Variants in ELFN2 observed in about 807,000 individuals in gnomAD.
ELFN2 encodes the protein protein phosphatase 1 regulatory subunit 29.
In ELFN2, 17 loss-of-function variants were observed where a neutral mutation model predicts 45.5. The observed-to-expected ratio is 0.37, with a 90% confidence interval of 0.26 to 0.56. The LOEUF is 0.56. Ranked by LOEUF, ELFN2 falls within the 20% of genes least tolerant of loss-of-function variation. The probability of loss-of-function intolerance (pLI) is 0.77; values close to 1 mark genes in which losing one functional copy is unlikely to be tolerated. For missense variants in ELFN2, 922 were observed against 1,183.2 expected (o/e 0.78, Z 3.24); for synonymous variants, 550 against 551.5 (o/e 1.00, Z 0.04).
chr22:37,359,105 A>AGGAATG (rs1931018520), intron 1 of ELFN2, among the ~76,000 whole-genome samples: 1 of 152,046 alleles, frequency 6.6e-6, no homozygotes, highest in African/African-American at 2.4e-5. Flanking sequence ...ACACTTTAGC[A>AGGAATG]CCTCCGTGAC....
chr22:37,372,920 G>A lies in ELFN2; in HGVS notation c.*152C>T, dbSNP rs1266332776. The A allele has an allele frequency of 4.0e-6, 3 of 746,202 alleles. No individual in the cohort carries two copies. In the African/African-American group the frequency reaches 5.3e-5, roughly 13 times the overall value. 46.2% of individuals were successfully genotyped at this position (746,202 alleles called of 1,614,324 possible). On this transcript the variant is annotated 3_prime_UTR_variant, in exon 3 of 3. Coordinates refer to ENST00000402918, the MANE Select transcript of ELFN2 (RefSeq NM_052906.5). This position sits in a 1 kb window ranked among gnomAD's most constrained non-coding sequence, Gnocchi z 4.4. ...TTGTTCACAGTCGGGTGGTGGTCAGGTGTGTGTGTGCGTGCGTGCGTGCGG... is the reference window on the plus strand; with the variant it reads ...TTGTTCACAGTCGGGTGGTGGTCAGATGTGTGTGTGCGTGCGTGCGTGCGG...
chr22:37,406,357 G>A (rs756661433), intron 2 of ELFN2, among the ~76,000 whole-genome samples: 62 of 152,314 alleles, frequency 4.1e-4, no homozygotes, highest in Admixed American at 2.7e-3. Context: ...TCACAACGGA[G>A]TGCCGGGGTG....
At chr22:37,402,678 C>G (rs942682751) in intron 2 of ELFN2, among the ~76,000 whole-genome samples, 10 of 152,172 alleles carry the variant, frequency 6.6e-5, no homozygotes, top group Non-Finnish European at 1.3e-4. Flanking sequence ...GCCACCACGA[C>G]AGGTTCAGGG....
At chr22:37,362,970 C>G (rs572489042), downstream of ELFN2, among the ~76,000 whole-genome samples, 17 of 152,312 alleles carry the variant, frequency 1.1e-4, no homozygotes, top group Non-Finnish European at 2.5e-4. Context: ...TGCCAGCACC[C>G]AAGGGGTACC....
At chr22:37,383,294 G>A (rs1569135302) in intron 2 of ELFN2, among the ~76,000 whole-genome samples, 1 of 152,224 alleles carries the variant, frequency 6.6e-6, no homozygotes, top group Non-Finnish European at 1.5e-5. Flanking sequence ...TGTCCTAGAT[G>A]TCAACCAAAC....
Position 37,375,488 on chromosome 22 carries a change from C to T in ELFN2, c.47G>A (p.Arg16Gln), listed in dbSNP as rs748212632. ...LCAAALLCVC[R>Q]PGAVRADCWL... ...GCAGTCGGCACGCACGGCACCCGGC[C>T]GGCACACGCACAGCAGCGCCGCCGC... The change falls in exon 3 of 3, where the codon CGG (arginine) becomes CAG (glutamine). Residue 16 changes from arginine (R) to glutamine (Q), a missense_variant. Physicochemically the swap from Arg to Gln is conservative, Grantham distance 43. Around this residue, in one of 2 missense-constraint regions of ELFN2, gnomAD observed 358 missense variants for 540.4 expected, o/e 0.66. Coordinates refer to ENST00000402918, the MANE Select transcript of ELFN2 (RefSeq NM_052906.5). The T allele has an allele frequency of 1.6e-5, 26 of 1,593,054 alleles. No homozygotes were observed. The highest frequency in any genetic ancestry group is 9.0e-5 in the South Asian group (8 of 88,652).
rs150343006 is a variant in ELFN2, at chr22:37,373,879, G to A, written c.1656C>T (p.Ile552=). 12 of 1,613,326 alleles carry A rather than the reference G, an allele frequency of 7.4e-6. No homozygotes were observed. The highest frequency in any genetic ancestry group is 5.0e-5 in the Admixed American group (3 of 60,012). Residue 552 remains isoleucine, a synonymous_variant, in exon 3 of 3, where the codon ATC becomes ATT. Coordinates refer to ENST00000402918, the MANE Select transcript of ELFN2 (RefSeq NM_052906.5). ...DKVNQIINNC[I]DALKLDSASF... is the part of the protein sequence containing the mutation. ...AGGCCGAGTCCAGCTTGAGAGCATCGATGCAGTTGTTAATGATCTGGTTGA... is the reference window on the plus strand; with the variant it reads ...AGGCCGAGTCCAGCTTGAGAGCATCAATGCAGTTGTTAATGATCTGGTTGA...
At chr22:37,391,074 T>C (rs1932074723) in intron 2 of ELFN2, among the ~76,000 whole-genome samples, 2 of 152,236 alleles carry the variant, frequency 1.3e-5, no homozygotes, top group African/African-American at 4.8e-5. Flanking sequence ...AGCCATGCTG[T>C]GAGCACGGCC....
chr22:37,407,143 G>T (rs539503065), intron 2 of ELFN2, among the ~76,000 whole-genome samples: 1 of 152,288 alleles, frequency 6.6e-6, no homozygotes, highest in African/African-American at 2.4e-5. Flanking sequence ...GCGTGTGTGT[G>T]TGTGTCGTAT....
At chr22:37,341,576 C>T (rs772280376) in intron 2 of ELFN2, among the ~76,000 whole-genome samples, 1 of 152,216 alleles carries the variant, frequency 6.6e-6, no homozygotes, top group Non-Finnish European at 1.5e-5. Flanking sequence ...TTGAAGGTTT[C>T]CCGGATGGTT....
chr22:37,373,066 G>T lies in ELFN2; in HGVS notation c.*6C>A, dbSNP rs372219343. The T allele has an allele frequency of 3.8e-6, 6 of 1,582,074 alleles. No homozygotes were observed. Among genetic ancestry groups the T allele is most frequent in the Middle Eastern group, 3.4e-4 (2 of 5,966 alleles). ...GCTCCGACCTCACCAGGGAGGAAGG[G>T]GGGGGTCACAGCTTCTGCTGGGCGG... is the stretch of plus-strand genomic sequence containing the variant. On this transcript the variant is annotated 3_prime_UTR_variant, in exon 3 of 3. Transcript: ENST00000402918.
At chr22:37,391,602 A>G (rs1932088916) in intron 2 of ELFN2, among the ~76,000 whole-genome samples, 1 of 152,202 alleles carries the variant, frequency 6.6e-6, no homozygotes, top group Non-Finnish European at 1.5e-5. Context: ...CTCAGCACCC[A>G]TGACTCCCCA....
chr22:37,415,837 C>T (rs1932754751), intron 2 of ELFN2, among the ~76,000 whole-genome samples: 1 of 152,180 alleles, frequency 6.6e-6, no homozygotes, highest in African/African-American at 2.4e-5. Context: ...TGGCACGCGC[C>T]TATAGTCCCA....
chr22:37,341,579 G>A (rs774788025), intron 2 of ELFN2, among the ~76,000 whole-genome samples: 1 of 152,194 alleles, frequency 6.6e-6, no homozygotes, highest in African/African-American at 2.4e-5. Flanking sequence ...AAGGTTTCCC[G>A]GATGGTTCTA....
intron 1 of ELFN2, among the ~76,000 whole-genome samples, chr22:37,350,251 G>A (rs1930791413): frequency 7.3e-6 from 1 of 137,506 alleles, no homozygotes; most frequent in South Asian, 2.3e-4. Flanking sequence ...CCAGGTAGCA[G>A]CATAAATGGC....
chr22:37,424,677 C>T (rs964569605), intron 1 of ELFN2, among the ~76,000 whole-genome samples: 10 of 132,310 alleles, frequency 7.6e-5, no homozygotes, highest in East Asian at 2.1e-4. Context: ...CCACTGAGGG[C>T]GGCGGGGGGG....
At chr22:37,346,331 A>T (rs1406950196) in intron 1 of ELFN2, among the ~76,000 whole-genome samples, 2 of 152,140 alleles carry the variant, frequency 1.3e-5, no homozygotes, top group African/African-American at 4.8e-5. Context: ...GTGAGGCTGA[A>T]GCAGGTTCCC....
At chr22:37,412,334 G>A (rs955324532) in intron 2 of ELFN2, among the ~76,000 whole-genome samples, 4 of 150,680 alleles carry the variant, frequency 2.7e-5, no homozygotes, top group Non-Finnish European at 5.9e-5. Flanking sequence ...AGCAAACTGA[G>A]GCCAGCACAC....
At chr22:37,349,851 T>C (rs1456594457) in intron 1 of ELFN2, among the ~76,000 whole-genome samples, 1 of 151,084 alleles carries the variant, frequency 6.6e-6, no homozygotes, top group Non-Finnish European at 1.5e-5. Context: ...GAGAGCAACA[T>C]TGAAAGGAGA....
Sources: allele counts gnomAD v4.1 joint callset (sites outside exome capture counted in the v4.1 genomes callset), GRCh38; gene constraint gnomAD v4.1.1; regional missense constraint gnomAD v4.1.1; non-coding constraint Gnocchi (gnomAD v3.1); transcripts MANE v1.5; gene names NCBI Gene and HGNC (gene_info 2026-07-23, HGNC 2026-07-21).